Variants in BRAF observed in about 807,000 individuals in gnomAD.
BRAF encodes the protein serine/threonine-protein kinase B-raf.
A neutral mutation model predicts 104.6 loss-of-function variants in BRAF; 16 were observed. The ratio of observed to expected loss-of-function variants is 0.15; its 90% CI spans 0.10 to 0.23. BRAF has a LOEUF of 0.23. Among genes scored for constraint, BRAF ranks in the 10% least tolerant of loss-of-function variants. The pLI is 1.00. For synonymous variants in BRAF, 310 were observed against 341.6 expected (o/e 0.91, Z 1.02); for missense variants, 541 against 937.3 (o/e 0.58, Z 5.52).
downstream of BRAF, among the ~76,000 whole-genome samples, chr7:140,717,303 CAG>C (rs575100106): frequency 1.0e-3 from 152 of 151,696 alleles, no homozygotes; most frequent in African/African-American, 3.4e-3. Flanking sequence ...TTCTCTGAAA[CAG>C]GGTCTTGCTC....
chr7:140,721,491 G>A lies in BRAF; in HGVS notation c.*5003C>T. ...TAGGTTATTTGAAAACAACAAAACA[G>A]AGCTTACTGTCTAGTGTACTAATAA... On this transcript the variant is annotated 3_prime_UTR_variant, in exon 20 of 20. Transcript: ENST00000644969. 1 of 1,290,744 alleles carries A rather than the reference G, an allele frequency of 7.7e-7. No individual in the cohort carries two copies. The highest frequency in any genetic ancestry group is 1.5e-5 in the African/African-American group (1 of 65,584). 80.0% of individuals were successfully genotyped at this position (1,290,744 alleles called of 1,614,324 possible).
chr7:140,890,586 C>T (rs182082231), intron 1 of BRAF, among the ~76,000 whole-genome samples: 20 of 152,254 alleles, frequency 1.3e-4, no homozygotes, highest in African/African-American at 4.6e-4. Context: ...TCCCAAAATG[C>T]TACATATCAG....
intron 17 of BRAF, among the ~76,000 whole-genome samples, chr7:140,746,678 A>C (rs1456056689): frequency 6.6e-6 from 1 of 151,838 alleles, no homozygotes; most frequent in Non-Finnish European, 1.5e-5. Flanking sequence ...AAAAATACAA[A>C]AAAATTAGCT....
At chr7:140,899,025 C>A (rs1815280093) in intron 1 of BRAF, among the ~76,000 whole-genome samples, 1 of 152,092 alleles carries the variant, frequency 6.6e-6, no homozygotes, top group African/African-American at 2.4e-5. Context: ...ACAATGATAT[C>A]TACTGCACTA....
intron 1 of BRAF, among the ~76,000 whole-genome samples, chr7:140,918,017 T>C (rs1203964290): frequency 6.6e-6 from 1 of 152,178 alleles, no homozygotes; most frequent in Non-Finnish European, 1.5e-5. Flanking sequence ...ATCTGACCCT[T>C]AAGATTGCTG....
intron 1 of BRAF, among the ~76,000 whole-genome samples, chr7:140,853,625 T>C (rs1322740891): frequency 1.3e-5 from 2 of 152,224 alleles, no homozygotes; most frequent in South Asian, 4.1e-4. Flanking sequence ...AAGATTTCTA[T>C]AAAGTTTGCT....
intron 1 of BRAF, among the ~76,000 whole-genome samples, chr7:140,911,402 TG>T (rs1046165733): frequency 5.3e-5 from 8 of 152,168 alleles, no homozygotes; most frequent in African/African-American, 1.9e-4. Context: ...AAAGTATGAC[TG>T]AACAGTGCAG....
At chr7:140,822,208 A>G (rs560420731) in intron 3 of BRAF, among the ~76,000 whole-genome samples, 43 of 152,302 alleles carry the variant, frequency 2.8e-4, no homozygotes, top group Non-Finnish European at 6.0e-4. Context: ...CCCAAAGTCT[A>G]TTTCATATAA....
At chr7:140,905,704 C>T (rs981175423) in intron 1 of BRAF, among the ~76,000 whole-genome samples, 1 of 152,160 alleles carries the variant, frequency 6.6e-6, no homozygotes, top group African/African-American at 2.4e-5. Context: ...TTCTTCACTT[C>T]TTCAGGATTA....
intron 1 of BRAF, among the ~76,000 whole-genome samples, chr7:140,870,039 T>C (rs530245294): frequency 3.9e-5 from 6 of 152,276 alleles, no homozygotes; most frequent in Non-Finnish European, 7.4e-5. Context: ...AGAGTAATCA[T>C]CATTGCATGT....
intron 1 of BRAF, among the ~76,000 whole-genome samples, chr7:140,871,875 T>C (rs1268408375): frequency 6.6e-6 from 1 of 152,176 alleles, no homozygotes; most frequent in African/African-American, 2.4e-5. Context: ...ATATTGTATA[T>C]AGTGCTATTA....
chr7:140,738,484 G>T (rs750593499), intron 18 of BRAF, among the ~76,000 whole-genome samples: 27 of 152,246 alleles, frequency 1.8e-4, no homozygotes, highest in African/African-American at 4.3e-4. Context: ...CTTCCCACTT[G>T]AAACTGTACT....
intron 1 of BRAF, among the ~76,000 whole-genome samples, chr7:140,915,997 C>A (rs10226469): frequency 0.12 from 14,809 of 124,014 alleles, 869 homozygotes; most frequent in African/African-American, 0.23. Flanking sequence ...AACAAACAAA[C>A]AAAAAAAACC....
In BRAF at chr7:140,743,420, G is replaced by C. The variant is rs10245579; in HGVS notation, c.2113-3474C>G. ...AAAAAATGATGAGTTCATGTCCTTT[G>C]TAGGGACATGGATGAAACTGGAAAT... On this transcript the variant is annotated intron_variant, in intron 17 of 19. Coordinates refer to ENST00000644969, the MANE Select transcript of BRAF (RefSeq NM_001374258.1). 5.0e-3 allele frequency among the ~76,000 whole-genome samples: 765 copies of C among 152,248 alleles called. 4 individuals carry two copies. The highest frequency in any genetic ancestry group is 0.018 in the African/African-American group (729 of 41,524).
chr7:140,735,641 C>T (rs553553757), intron 18 of BRAF, among the ~76,000 whole-genome samples: 3 of 151,802 alleles, frequency 2.0e-5, no homozygotes, highest in Non-Finnish European at 4.4e-5. Context: ...ACTGCAACCT[C>T]CCCCTCCTGG....
intron 3 of BRAF, chr7:140,822,322 C>T (rs1805576692): frequency 6.6e-6 from 1 of 152,026 alleles, no homozygotes; most frequent in Non-Finnish European, 1.5e-5. Flanking sequence ...ATTTAGAGTA[C>T]ACAATTTGAT....
In BRAF at chr7:140,781,998, G is replaced by A. The variant is rs71645970; in HGVS notation, c.1435-305C>T. On this transcript the variant is annotated intron_variant, in intron 11 of 19. Coordinates refer to ENST00000644969, the MANE Select transcript of BRAF (RefSeq NM_001374258.1). ...TTATGTATACATGTGCCATGTTGGT[G>A]TGCTGCACCCATTAACTTGTCATTT... Among the ~76,000 whole-genome samples the A allele has an allele frequency of 2.5e-3, 384 of 152,060 alleles. No homozygotes were observed. Among genetic ancestry groups the A allele is most frequent in the Middle Eastern group, 6.8e-3 (2 of 294 alleles).
intron 1 of BRAF, among the ~76,000 whole-genome samples, chr7:140,856,073 C>G (rs1285836881): frequency 6.7e-6 from 1 of 150,020 alleles, no homozygotes; most frequent in East Asian, 1.9e-4. Flanking sequence ...AGGCATCAAA[C>G]TCTTAAATTA....
rs777782943 is a variant in BRAF at position 140,834,816 on chromosome 7, T to C, written c.297A>G (p.Leu99=). 4 of 1,614,132 alleles carry C rather than the reference T, an allele frequency of 2.5e-6. No individual in the cohort carries two copies. Among genetic ancestry groups the C allele is most frequent in the Middle Eastern group, 1.6e-4 (1 of 6,062 alleles). The part of the protein sequence containing the change: ...LDALQQREQQ[L]LESLGNGTDF... ...CAGTTCCGTTCCCCAGAGATTCCAA[T>C]AACTGTTGTTCTCTTTGTTGGAGTG... The change falls in exon 3 of 20, where the codon TTA becomes TTG. Residue 99 remains leucine (L), a synonymous_variant. Transcript: ENST00000644969.
Sources: allele counts gnomAD v4.1 joint callset (sites outside exome capture counted in the v4.1 genomes callset), GRCh38; gene constraint gnomAD v4.1.1; transcripts MANE v1.5; gene names NCBI Gene and HGNC (gene_info 2026-07-23, HGNC 2026-07-21).